The following SYNPR variants were observed in gnomAD, a reference collection of about 807,000 sequenced individuals.
SYNPR encodes the protein synaptoporin.
SYNPR carries 23 observed loss-of-function variants against 32.9 expected under a neutral mutation model. That is an observed-to-expected ratio of 0.70 (90% CI 0.50 to 0.99). The LOEUF (loss-of-function observed/expected upper bound fraction) is 0.99, where lower values mean the gene tolerates loss of function less well. Among genes scored for constraint, SYNPR ranks in the 50% least tolerant of loss-of-function variants. The pLI is 0.00. For missense variants in SYNPR, 318 were observed against 349.3 expected (o/e 0.91, Z 0.71); for synonymous variants, 146 against 135.9 (o/e 1.07, Z -0.52).
At chr3:63,462,798 A>G (rs1336141518) in intron 2 of SYNPR, among the ~76,000 whole-genome samples, 1 of 152,174 alleles carries the variant, frequency 6.6e-6, no homozygotes, top group East Asian at 1.9e-4. Flanking sequence ...TATAATATGC[A>G]GTTACAACCA....
At chr3:63,424,425 C>A (rs181916048) in intron 2 of SYNPR, among the ~76,000 whole-genome samples, 1 of 152,196 alleles carries the variant, frequency 6.6e-6, no homozygotes, top group Non-Finnish European at 1.5e-5. Flanking sequence ...ACTTCAGCTT[C>A]CATTTCCTCT....
chr3:63,318,286 T>G (rs1341088805), intron 2 of SYNPR, among the ~76,000 whole-genome samples: 2 of 152,052 alleles, frequency 1.3e-5, no homozygotes, highest in Non-Finnish European at 2.9e-5. Context: ...CTTCTTGTAT[T>G]TGGATGTCTA....
At chr3:63,297,108 A>C (rs2086797350) in intron 2 of SYNPR, among the ~76,000 whole-genome samples, 1 of 152,240 alleles carries the variant, frequency 6.6e-6, no homozygotes, top group Admixed American at 6.5e-5. Context: ...TTCAAGGGGA[A>C]TGTGCTAAAC....
chr3:63,278,207 C>T (rs538620542), upstream of SYNPR: 1 of 285,826 alleles, frequency 3.5e-6, no homozygotes, highest in East Asian at 6.9e-5. Context: ...ACCTCCTCGC[C>T]CTCCCCTCTG....
chr3:63,533,538 C>T (rs1033623288), intron 3 of SYNPR, among the ~76,000 whole-genome samples: 4 of 151,950 alleles, frequency 2.6e-5, no homozygotes, highest in Non-Finnish European at 5.9e-5. Flanking sequence ...CAGAAATTAC[C>T]TTGGGGTAAT....
intron 4 of SYNPR, among the ~76,000 whole-genome samples, chr3:63,589,710 A>C (rs375141214): frequency 1.3e-5 from 2 of 148,576 alleles, no homozygotes; most frequent in Non-Finnish European, 3.0e-5. Context: ...AAACCACATG[A>C]TTATCTCAAT....
intron 3 of SYNPR, among the ~76,000 whole-genome samples, chr3:63,521,658 G>C (rs1701916018): frequency 1.3e-5 from 2 of 152,154 alleles, no homozygotes; most frequent in South Asian, 4.1e-4. Context: ...CAATACTCTG[G>C]AGGCAATATG....
chr3:63,510,673 G>C (rs559159005), intron 3 of SYNPR, among the ~76,000 whole-genome samples: 2 of 152,184 alleles, frequency 1.3e-5, no homozygotes, highest in East Asian at 3.9e-4. Flanking sequence ...TTAAAAAATT[G>C]ATTACCTCTC....
At chr3:63,475,696 T>C (rs906306546) in intron 2 of SYNPR, among the ~76,000 whole-genome samples, 1 of 152,076 alleles carries the variant, frequency 6.6e-6, no homozygotes, top group African/African-American at 2.4e-5. Context: ...AGTTCCTCTA[T>C]CTCACTTATT....
intron 2 of SYNPR, among the ~76,000 whole-genome samples, chr3:63,344,361 A>C (rs1359320702): frequency 6.6e-6 from 1 of 152,180 alleles, no homozygotes; most frequent in Non-Finnish European, 1.5e-5. Context: ...TCTGGATACA[A>C]ATTTCAGAAG....
intron 2 of SYNPR, among the ~76,000 whole-genome samples, chr3:63,460,866 C>T (rs1157731596): frequency 6.6e-6 from 1 of 152,058 alleles, no homozygotes; most frequent in African/African-American, 2.4e-5. Flanking sequence ...GAGGCAGGTA[C>T]AGCTGACAAG....
At chr3:63,275,011 G>A (rs1424389966), upstream of SYNPR, among the ~76,000 whole-genome samples, 1 of 152,174 alleles carries the variant, frequency 6.6e-6, no homozygotes, top group Non-Finnish European at 1.5e-5. Context: ...CAAAACAAAA[G>A]AGAATTTGGA....
At position 63,432,508 on chromosome 3, in the gene SYNPR, G is replaced by A. The variant is rs148415059; in HGVS notation, c.85-48324G>A. Among the ~76,000 whole-genome samples the A allele has an allele frequency of 4.3e-3, 651 of 152,284 alleles. 6 individuals are homozygous for A. The highest frequency in any genetic ancestry group is 0.015 in the African/African-American group (629 of 41,550). Reference sequence around the variant, plus strand: ...TGTAAATTTAATTGTATCTTCAGGAGGATTAAATGAGTTAATTCCTATGAA... The same window carrying A: ...TGTAAATTTAATTGTATCTTCAGGAAGATTAAATGAGTTAATTCCTATGAA... On this transcript the variant is annotated intron_variant, in intron 2 of 5. Transcript: ENST00000478300.
At chr3:63,471,754 C>T (rs1456028586) in intron 2 of SYNPR, among the ~76,000 whole-genome samples, 2 of 152,122 alleles carry the variant, frequency 1.3e-5, no homozygotes, top group East Asian at 1.9e-4. Flanking sequence ...GAGGACTAAT[C>T]ATCAGTTCAA....
intron 2 of SYNPR, among the ~76,000 whole-genome samples, chr3:63,337,386 G>A (rs934508706): frequency 6.6e-6 from 1 of 152,118 alleles, no homozygotes; most frequent in African/African-American, 2.4e-5. Context: ...AGGATGTGGA[G>A]TAACAGGGAC....
At chr3:63,258,268 A>G (rs185567937) in intron 2 of SYNPR, among the ~76,000 whole-genome samples, 1 of 152,330 alleles carries the variant, frequency 6.6e-6, no homozygotes, top group Admixed American at 6.5e-5. Context: ...CAGAATATAC[A>G]TTCTTTTAAG....
intron 2 of SYNPR, among the ~76,000 whole-genome samples, chr3:63,396,096 C>T (rs1022106831): frequency 2.6e-5 from 4 of 152,196 alleles, no homozygotes; most frequent in Non-Finnish European, 5.9e-5. Context: ...AAAACAGCTA[C>T]GACGTGTTAT....
intron 4 of SYNPR, chr3:63,561,397 T>C (rs969738209): frequency 1.3e-5 from 2 of 152,206 alleles, no homozygotes; most frequent in African/African-American, 2.4e-5. Flanking sequence ...GCATCACTTA[T>C]AGGCAGAAGG....
chr3:63,209,001 T>C, the SYNPR span, among the ~76,000 whole-genome samples: 1 of 152,166 alleles, frequency 6.6e-6, no homozygotes, highest in African/African-American at 2.4e-5. Flanking sequence ...TGTCACTCCA[T>C]TCTCCTCTAA....
Sources: gnomAD v4.1 joint callset for allele counts (sites outside exome capture counted in the v4.1 genomes callset) on GRCh38, gnomAD v4.1.1 for gene constraint, MANE v1.5 for transcripts, NCBI Gene and HGNC (gene_info 2026-07-23, HGNC 2026-07-21) for gene names.